THADA: variants seen among roughly 807,000 people sequenced by gnomAD.
THADA encodes THADA armadillo repeat containing.
Under a neutral mutation model 219.8 loss-of-function variants are expected in THADA, and 213 were observed. The observed-to-expected ratio is 0.97, with a 90% CI of 0.87 to 1.09. The LOEUF is 1.09. THADA is among the 50% of genes least tolerant of loss of function. THADA has a pLI of 0.00. For missense variants in THADA, 2,956 were observed against 2,311.3 expected, an observed-to-expected ratio of 1.28 and a Z score of -5.72; for synonymous variants, 1,018 against 828.9, an observed-to-expected ratio of 1.23 and a Z score of -3.92.
chr2:43,399,528 G>C (rs568118796), intron 28 of THADA, among the ~76,000 whole-genome samples: 1 of 152,196 alleles, frequency 6.6e-6, no homozygotes, highest in Non-Finnish European at 1.5e-5. Context: ...ATGGTGTTGG[G>C]GGAGGCAGGG....
chr2:43,234,103 G>A (rs1053443578), intron 36 of THADA, among the ~76,000 whole-genome samples: 1 of 152,136 alleles, frequency 6.6e-6, no homozygotes. Flanking sequence ...TGAGTGCCAG[G>A]CCCTGATCAA....
chr2:43,496,704 C>T (rs1029531095), intron 25 of THADA, among the ~76,000 whole-genome samples: 1 of 151,520 alleles, frequency 6.6e-6, no homozygotes, highest in Admixed American at 6.6e-5. Context: ...TCTAAACAAA[C>T]TGGAACTTGT....
At position 43,253,082 on chromosome 2, in the gene THADA, C is replaced by T. The variant is rs62137406; in HGVS notation, c.5297-20200G>A. Among the ~76,000 whole-genome samples, 1,299 of 152,294 alleles carry T rather than the reference C, an allele frequency of 8.5e-3. 26 individuals are homozygous for T. Among genetic ancestry groups the T allele is most frequent in the Non-Finnish European group, 8.7e-3 (593 of 68,030 alleles). On this transcript the variant is annotated intron_variant, in intron 36 of 37. Transcript: ENST00000405975. ...CTCAAACTTCCGTCCCCCTCAAAGT[C>T]AAAGCTTCTCTAATGACTCTTTTGA...
At chr2:43,481,849 A>G (rs1384707639) in intron 26 of THADA, among the ~76,000 whole-genome samples, 1 of 152,240 alleles carries the variant, frequency 6.6e-6, no homozygotes, top group Non-Finnish European at 1.5e-5. Flanking sequence ...GCTTTGGCAA[A>G]GCACACTCCA....
At chr2:43,506,594 A>C (rs1011863469) in intron 23 of THADA, among the ~76,000 whole-genome samples, 2 of 152,206 alleles carry the variant, frequency 1.3e-5, no homozygotes, top group African/African-American at 4.8e-5. Context: ...GAGAAATGGG[A>C]AGTGACTGCT....
chr2:43,412,976 T>C (rs185215209), intron 28 of THADA, among the ~76,000 whole-genome samples: 5 of 152,306 alleles, frequency 3.3e-5, no homozygotes, highest in Admixed American at 2.0e-4. Context: ...CAAATGATGA[T>C]AGGCATGAGT....
rs547668468 is a variant in THADA at position 43,507,752 on chromosome 2, T to C, written c.3507+896A>G. On this transcript the variant is annotated intron_variant, in intron 23 of 37. Coordinates refer to ENST00000405975, the MANE Select transcript of THADA (RefSeq NM_022065.5). ...TTCCCGGATTTAATCTTACTATATA[T>C]TAACCAAAGGTCTTTCAGGATGGGG... Among the ~76,000 whole-genome samples the C allele has an allele frequency of 7.9e-5, 12 of 152,360 alleles. No individual in the cohort carries two copies. In the South Asian group the frequency reaches 8.3e-4, roughly 11 times the overall value.
chr2:43,390,593 C>G (rs542583345), intron 29 of THADA, among the ~76,000 whole-genome samples: 31 of 152,184 alleles, frequency 2.0e-4, no homozygotes, highest in Admixed American at 7.9e-4. Flanking sequence ...TTCCTTTGTC[C>G]GCAGCAACGA....
At chr2:43,563,093 CTTCCTT>C (rs2103954148) in intron 15 of THADA, 1 of 151,932 alleles carries the variant, frequency 6.6e-6, no homozygotes, top group South Asian at 2.1e-4. Context: ...TTTTTGTTTC[CTTCCTT>C]TTAAGTTTGT....
At position 43,556,406 on chromosome 2, in the gene THADA, C is replaced by T. The variant is rs1449297329; in HGVS notation, c.2613G>A (p.Gln871=). 6.2e-6 allele frequency: 10 copies of T among 1,613,886 alleles called. No homozygotes were observed. The highest frequency in any genetic ancestry group is 8.5e-6 in the Non-Finnish European group (10 of 1,179,834). The change falls in exon 17 of 38, where the codon CAG becomes CAA. Residue 871 remains glutamine (Q), a synonymous_variant. Transcript: ENST00000405975. Reference sequence around the variant, plus strand: ...TATCTCCATTATCACATGCAACTTGCTGAGTTAAGTAGGCAGACAAGGATG... The same window carrying T: ...TATCTCCATTATCACATGCAACTTGTTGAGTTAAGTAGGCAGACAAGGATG... The part of the protein sequence containing the change: ...LPSSLSAYLT[Q]QVACDNGDRP...
intron 17 of THADA, among the ~76,000 whole-genome samples, chr2:43,553,570 G>C (rs1052161373): frequency 6.6e-6 from 1 of 152,174 alleles, no homozygotes; most frequent in Non-Finnish European, 1.5e-5. Context: ...GAGAATAAAG[G>C]TCTGTGTTTA....
intron 23 of THADA, among the ~76,000 whole-genome samples, chr2:43,507,875 T>C (rs1689886238): frequency 6.6e-6 from 1 of 152,198 alleles, no homozygotes; most frequent in South Asian, 2.1e-4. Context: ...TCAATAGCCA[T>C]ATCTAAATGT....
At chr2:43,545,836 A>G (rs894939781) in intron 20 of THADA, among the ~76,000 whole-genome samples, 1 of 152,024 alleles carries the variant, frequency 6.6e-6, no homozygotes, top group African/African-American at 2.4e-5. Context: ...TCCTGGATTC[A>G]TTAATTTTTT....
In THADA at chr2:43,441,019, G is replaced by C. The variant is rs575327459; in HGVS notation, c.3837-10717C>G. Among the ~76,000 whole-genome samples the C allele has an allele frequency of 5.9e-5, 9 of 152,306 alleles. No individual in the cohort carries two copies. In the South Asian group the frequency reaches 1.0e-3, roughly 18 times the overall value. On this transcript the variant is annotated intron_variant, in intron 26 of 37. Transcript: ENST00000405975. ...TACTTACTGAAAATTAAACTTCAGT[G>C]AACGTTTTAAGTAATTGTTTTGTTT...
chr2:43,541,681 G>A (rs1364850954), intron 20 of THADA, among the ~76,000 whole-genome samples: 1 of 151,772 alleles, frequency 6.6e-6, no homozygotes, highest in Non-Finnish European at 1.5e-5. Context: ...GTTAATTTTT[G>A]TATTTTTTTG....
rs1691374724 is a variant in THADA at position 43,515,172 on chromosome 2, T to TATATATTATATATAATATATTATATATA, written c.3375-6420_3375-6393dup. Among the ~76,000 whole-genome samples, 21 of 3,896 alleles carry TATATATTATATATAATATATTATATATA rather than the reference T, an allele frequency of 5.4e-3. 1 individual carries two copies. Among genetic ancestry groups the TATATATTATATATAATATATTATATATA allele is most frequent in the Admixed American group, 7.8e-3 (2 of 258 alleles). 2.6% of individuals were successfully genotyped at this position (3,896 alleles called of 152,430 possible). A position where few individuals can be genotyped will look rare whatever the true frequency, so the allele number is the denominator to read the frequency against. The stretch of plus-strand genomic sequence containing the variant: ...ATTTTATATATTATATATAATATAT[T>TATATATTATATATAATATATTATATATA]ATATATTATATATAATATATTATAT... On this transcript the variant is annotated intron_variant, in intron 22 of 37. Transcript: ENST00000405975.
intron 35 of THADA, among the ~76,000 whole-genome samples, chr2:43,284,561 C>G (rs1332546931): frequency 1.3e-5 from 2 of 152,190 alleles, no homozygotes; most frequent in Admixed American, 6.5e-5. Context: ...GATGTCCAGG[C>G]AGAAGTCTGC....
intron 22 of THADA, among the ~76,000 whole-genome samples, chr2:43,511,994 A>G (rs1375037433): frequency 2.0e-5 from 3 of 152,244 alleles, no homozygotes; most frequent in African/African-American, 4.8e-5. Context: ...CTTGGCTAGT[A>G]TAACTGTAAA....
At chr2:43,284,314 A>G (rs1673724446) in intron 35 of THADA, among the ~76,000 whole-genome samples, 1 of 152,222 alleles carries the variant, frequency 6.6e-6, no homozygotes, top group Non-Finnish European at 1.5e-5. Context: ...TTCTTAGGCC[A>G]GGCCCAGGGC....
Sources: gnomAD v4.1 joint callset for allele counts (sites outside exome capture counted in the v4.1 genomes callset) on GRCh38, gnomAD v4.1.1 for gene constraint, MANE v1.5 for transcripts, NCBI Gene and HGNC (gene_info 2026-07-23, HGNC 2026-07-21) for gene names.